Variants in RARB observed in about 807,000 individuals in gnomAD.
RARB encodes retinoic acid receptor beta, also known as HBV-activated protein.
A neutral mutation model predicts 51.9 loss-of-function variants in RARB; 17 were observed. That is an observed-to-expected ratio of 0.33 (90% confidence interval 0.22 to 0.49). The LOEUF is 0.49. Among genes scored for constraint, RARB ranks in the 20% least tolerant of loss-of-function variants. The pLI, the probability that RARB is intolerant of heterozygous loss-of-function variation, is 0.99. For synonymous variants in RARB, 215 were observed against 195.4 expected, an observed-to-expected ratio of 1.10 and a Z score of -0.84; for missense variants, 369 against 550.8, an observed-to-expected ratio of 0.67 and a Z score of 3.30.
chr3:25,219,905 A>G (rs1701909317), intron 5 of RARB, among the ~76,000 whole-genome samples: 1 of 152,210 alleles, frequency 6.6e-6, no homozygotes, highest in African/African-American at 2.4e-5. Flanking sequence ...GCAGAAATGG[A>G]AGTAAATCTG....
intron 5 of RARB, among the ~76,000 whole-genome samples, chr3:25,327,232 T>A (rs59087853): frequency 0.13 from 19,654 of 151,852 alleles, 1,360 homozygotes; most frequent in South Asian, 0.2. Context: ...TATTTTTTTT[T>A]AAAAAAAGGG....
chr3:24,837,219 C>G (rs978625730), intron 1 of RARB, among the ~76,000 whole-genome samples: 1 of 152,148 alleles, frequency 6.6e-6, no homozygotes, highest in Non-Finnish European at 1.5e-5. Context: ...GGTATTAAAC[C>G]ATGAATAATG....
At chr3:25,386,310 A>T (rs1706792518) in intron 5 of RARB, among the ~76,000 whole-genome samples, 1 of 151,778 alleles carries the variant, frequency 6.6e-6, no homozygotes, top group Non-Finnish European at 1.5e-5. Context: ...TGGGGTGGAG[A>T]GGGGTGGGTC....
rs150499268 is a variant in RARB, at chr3:25,203,819, T to G, written c.178+29244T>G. On this transcript the variant is annotated intron_variant, in intron 5 of 11. Transcript: ENST00000383772. ...GAAATCTACTATTAGTCTGATGGGC[T>G]TCCCTTTGCGGGTAACCTGACCTTT... Among the ~76,000 whole-genome samples, 556 of 152,360 alleles carry G rather than the reference T, an allele frequency of 3.6e-3. 3 individuals carry two copies. The highest frequency in any genetic ancestry group is 0.013 in the African/African-American group (535 of 41,574).
chr3:24,836,884 T>A (rs1350292158), intron 1 of RARB, among the ~76,000 whole-genome samples: 1 of 152,214 alleles, frequency 6.6e-6, no homozygotes, highest in Non-Finnish European at 1.5e-5. Flanking sequence ...TGACCTAGAT[T>A]TTTTATCATT....
chr3:25,239,175 T>G (rs542818008), intron 5 of RARB, among the ~76,000 whole-genome samples: 4 of 152,366 alleles, frequency 2.6e-5, no homozygotes, highest in South Asian at 4.1e-4. Context: ...TTAAATTGTT[T>G]GAGTTCCTTG....
At chr3:25,200,597 C>A (rs1701364581) in intron 5 of RARB, among the ~76,000 whole-genome samples, 1 of 152,134 alleles carries the variant, frequency 6.6e-6, no homozygotes, top group Non-Finnish European at 1.5e-5. Flanking sequence ...AGTCTTTAAT[C>A]CATCTTGAAT....
chr3:25,513,391 A>G (rs1334056357), intron 3 of RARB, among the ~76,000 whole-genome samples: 5 of 152,190 alleles, frequency 3.3e-5, no homozygotes, highest in Non-Finnish European at 7.3e-5. Flanking sequence ...ATTCTGAATC[A>G]GGAACTTCTG....
At chr3:25,214,854 TAGA>T (rs1318737446) in intron 5 of RARB, among the ~76,000 whole-genome samples, 1 of 152,202 alleles carries the variant, frequency 6.6e-6, no homozygotes, top group Non-Finnish European at 1.5e-5. Context: ...GTAGTTAGCA[TAGA>T]AGAAGACCTA....
intron 4 of RARB, among the ~76,000 whole-genome samples, chr3:25,145,500 CAAA>C (rs61068783): frequency 6.6e-6 from 1 of 151,488 alleles, no homozygotes; most frequent in East Asian, 1.9e-4. Context: ...TTGTAAATTT[CAAA>C]AAAAAGAAAA....
intron 2 of RARB, among the ~76,000 whole-genome samples, chr3:25,031,158 G>C (rs1697866485): frequency 1.3e-5 from 2 of 152,140 alleles, no homozygotes; most frequent in African/African-American, 2.4e-5. Flanking sequence ...CCCTCGCCAA[G>C]TTGTGACAAC....
intron 4 of RARB, among the ~76,000 whole-genome samples, chr3:25,159,272 C>T (rs1001697543): frequency 6.8e-6 from 1 of 147,066 alleles, no homozygotes; most frequent in African/African-American, 2.5e-5. Flanking sequence ...CCGGTTCAAG[C>T]AATTCTCCTG....
rs543343096 is a variant in RARB, at chr3:25,560,383, C to T, written c.449-9375C>T. 1.9e-3 allele frequency among the ~76,000 whole-genome samples: 285 copies of T among 152,300 alleles called. 2 individuals are homozygous for T. The Middle Eastern group carries it at 0.024, about 13-fold the overall frequency. The stretch of plus-strand genomic sequence containing the variant: ...GAGCTTCTCTACATTAATATCTTAA[C>T]GGTATTTGGCAAACATCTGGCAAAA... On this transcript the variant is annotated intron_variant, in intron 3 of 7. Coordinates refer to ENST00000330688, the MANE Select transcript of RARB (RefSeq NM_000965.5).
intron 3 of RARB, among the ~76,000 whole-genome samples, chr3:25,063,249 A>G (rs1575142384): frequency 6.6e-6 from 1 of 152,152 alleles, no homozygotes; most frequent in East Asian, 1.9e-4. Flanking sequence ...TGAGGAAATT[A>G]TTTTATTCCC....
intron 5 of RARB, among the ~76,000 whole-genome samples, chr3:25,207,623 T>A (rs1701582764): frequency 6.6e-6 from 1 of 152,176 alleles, no homozygotes; most frequent in Non-Finnish European, 1.5e-5. Context: ...ACCAAATCAT[T>A]TACTTAATTA....
intron 2 of RARB, among the ~76,000 whole-genome samples, chr3:24,897,670 A>G (rs1239046082): frequency 2.6e-5 from 4 of 151,778 alleles, no homozygotes; most frequent in African/African-American, 9.7e-5. Context: ...CATTCCTTTT[A>G]TACTCAATGA....
chr3:25,208,607 CT>C (rs922017619), intron 5 of RARB, among the ~76,000 whole-genome samples: 13 of 151,604 alleles, frequency 8.6e-5, no homozygotes, highest in South Asian at 2.1e-4. Flanking sequence ...TTTGTCTATT[CT>C]TTTTTTTTCT....
At chr3:25,130,731 A>G (rs1699932104) in intron 3 of RARB, among the ~76,000 whole-genome samples, 3 of 151,894 alleles carry the variant, frequency 2.0e-5, no homozygotes. Flanking sequence ...GGAAATTCTA[A>G]GAGGCCAAAA....
chr3:25,348,581 T>A (rs1308522625), intron 5 of RARB, among the ~76,000 whole-genome samples: 1 of 152,070 alleles, frequency 6.6e-6, no homozygotes, highest in African/African-American at 2.4e-5. Context: ...AATGAACAAG[T>A]AGGGATAATA....
Sources: gnomAD v4.1 joint callset for allele counts (sites outside exome capture counted in the v4.1 genomes callset) on GRCh38, gnomAD v4.1.1 for gene constraint, MANE v1.5 for transcripts, NCBI Gene and HGNC (gene_info 2026-07-23, HGNC 2026-07-21) for gene names.